The following DOK6 variants were observed in gnomAD, a reference collection of about 807,000 sequenced individuals.
DOK6 encodes the protein downstream of tyrosine kinase 6.
DOK6 carries 22 observed loss-of-function variants against 44.0 expected under a neutral mutation model. The observed-to-expected ratio is 0.50, with a 90% CI of 0.36 to 0.71. The LOEUF is 0.71. DOK6 is among the 30% of genes least tolerant of loss of function. The pLI is 0.00. For synonymous variants in DOK6, 166 were observed against 145.5 expected (o/e 1.14, Z -1.01); for missense variants, 340 against 416.4 (o/e 0.82, Z 1.60).
At chr18:69,769,523 T>A (rs940252320) in intron 7 of DOK6, among the ~76,000 whole-genome samples, 1 of 152,128 alleles carries the variant, frequency 6.6e-6, no homozygotes, top group Admixed American at 6.6e-5. Flanking sequence ...TTTTAAAATA[T>A]TTTAAAAATT....
chr18:69,672,286 G>A (rs1985815635), intron 3 of DOK6, among the ~76,000 whole-genome samples: 1 of 152,216 alleles, frequency 6.6e-6, no homozygotes, highest in African/African-American at 2.4e-5. Flanking sequence ...TGTTCCTGTA[G>A]GCTAACCAGA....
intron 1 of DOK6, among the ~76,000 whole-genome samples, chr18:69,488,635 G>A (rs1980649828): frequency 6.6e-6 from 1 of 152,180 alleles, no homozygotes; most frequent in Non-Finnish European, 1.5e-5. Context: ...AGGCAATAGA[G>A]CAGTGCAGGG....
Position 69,551,402 on chromosome 18 carries a change from G to T in DOK6, c.67-13085G>T, listed in dbSNP as rs557842389. ...AAATGTGGTGTTCTGCAATCAACAA[G>T]ATATAGGGGTTTTAATTTTCAACAA... On this transcript the variant is annotated intron_variant, in intron 1 of 7. Coordinates refer to ENST00000382713, the MANE Select transcript of DOK6 (RefSeq NM_152721.6). 1.5e-3 allele frequency among the ~76,000 whole-genome samples: 233 copies of T among 152,276 alleles called. 2 individuals are homozygous for T. Among genetic ancestry groups the T allele is most frequent in the African/African-American group, 5.3e-3 (222 of 41,570 alleles).
intron 1 of DOK6, among the ~76,000 whole-genome samples, chr18:69,513,090 TTA>T (rs1341304081): frequency 2.8e-5 from 4 of 143,240 alleles, no homozygotes; most frequent in African/African-American, 9.9e-5. Flanking sequence ...ATTTTTCATT[TTA>T]TATCTATACT....
In DOK6 at chr18:69,657,425, A is replaced by G. The variant is rs545228665; in HGVS notation, c.290-20309A>G. 6.6e-5 allele frequency among the ~76,000 whole-genome samples: 10 copies of G among 152,338 alleles called. No individual in the cohort carries two copies. In the East Asian group the frequency reaches 1.5e-3, roughly 24 times the overall value. ...ACCCCTTCAGCCTGGTCCCAGAATG[A>G]GAGAAGCTGAGCAGAGTTGAAGCTG... On this transcript the variant is annotated intron_variant, in intron 3 of 7. Coordinates refer to ENST00000382713, the MANE Select transcript of DOK6 (RefSeq NM_152721.6).
At chr18:69,633,631 T>A (rs1210133671) in intron 3 of DOK6, among the ~76,000 whole-genome samples, 1 of 152,170 alleles carries the variant, frequency 6.6e-6, no homozygotes, top group Non-Finnish European at 1.5e-5. Context: ...TAAAGCCTAT[T>A]TTACACAAAG....
chr18:69,749,695 C>G (rs1394023809), intron 6 of DOK6, among the ~76,000 whole-genome samples: 1 of 152,014 alleles, frequency 6.6e-6, no homozygotes. Context: ...AATCCCAGCA[C>G]TCTAGGAGGC....
chr18:69,665,644 C>G (rs1436549039), intron 3 of DOK6, among the ~76,000 whole-genome samples: 1 of 152,108 alleles, frequency 6.6e-6, no homozygotes, highest in Non-Finnish European at 1.5e-5. Context: ...GCTTTCTGCC[C>G]TAGAAGCTCA....
chr18:69,809,862 T>G (rs1981169723), intron 7 of DOK6, among the ~76,000 whole-genome samples: 1 of 151,960 alleles, frequency 6.6e-6, no homozygotes, highest in African/African-American at 2.4e-5. Context: ...AGATATCCTG[T>G]GTTTATGGAT....
At chr18:69,584,033 G>C (rs1305596296) in intron 2 of DOK6, among the ~76,000 whole-genome samples, 1 of 140,920 alleles carries the variant, frequency 7.1e-6, no homozygotes, top group South Asian at 2.2e-4. Context: ...GCGTGAACCC[G>C]GGAGGCGGAG....
intron 6 of DOK6, among the ~76,000 whole-genome samples, chr18:69,744,380 A>G (rs535387345): frequency 2.0e-5 from 3 of 151,968 alleles, no homozygotes; most frequent in Admixed American, 6.6e-5. Flanking sequence ...TTATCACTCA[A>G]TATTACCAAT....
At chr18:69,524,027 G>A (rs1437677506) in intron 1 of DOK6, among the ~76,000 whole-genome samples, 1 of 152,022 alleles carries the variant, frequency 6.6e-6, no homozygotes, top group African/African-American at 2.4e-5. Context: ...ATAGTGAAGA[G>A]TTATGTCTAA....
intron 7 of DOK6, among the ~76,000 whole-genome samples, chr18:69,775,121 G>A (rs183706315): frequency 1.3e-5 from 2 of 151,660 alleles, no homozygotes; most frequent in Non-Finnish European, 1.5e-5. Context: ...ATAAAAGCCA[G>A]AAAATAATGA....
intron 1 of DOK6, 44 bp downstream of exon 1, chr18:69,401,354 G>T (rs951906400): frequency 2.0e-5 from 28 of 1,434,162 alleles, no homozygotes; most frequent in Admixed American, 1.2e-4. Flanking sequence ...CGCTCGTTCG[G>T]CCCGGCTGGC....
Position 69,844,362 on chromosome 18 carries a change from G to C in DOK6, c.*2979G>C, listed in dbSNP as rs1472783046. 1 of 152,152 alleles carries C rather than the reference G, an allele frequency of 6.6e-6. No individual in the cohort carries two copies. Among genetic ancestry groups the C allele is most frequent in the Non-Finnish European group, 1.5e-5 (1 of 68,024 alleles). 9.4% of individuals were successfully genotyped at this position (152,152 alleles called of 1,614,324 possible). The stretch of plus-strand genomic sequence containing the variant: ...GAGACCAATGATAAAGGAACCCAAC[G>C]TAAGGAATAGCAGTTCTGAAAATAG... On this transcript the variant is annotated 3_prime_UTR_variant, in exon 8 of 8. Transcript: ENST00000382713.
chr18:69,429,362 A>C (rs2081800147), intron 1 of DOK6, among the ~76,000 whole-genome samples: 2 of 152,092 alleles, frequency 1.3e-5, no homozygotes, highest in Admixed American at 1.3e-4. Flanking sequence ...CACTAAAATG[A>C]TTTAATTTAC....
intron 3 of DOK6, among the ~76,000 whole-genome samples, chr18:69,649,652 T>A (rs1200538745): frequency 6.6e-6 from 1 of 152,182 alleles, no homozygotes; most frequent in African/African-American, 2.4e-5. Flanking sequence ...GGATTTGAAT[T>A]AATGAGATTA....
intron 6 of DOK6, among the ~76,000 whole-genome samples, chr18:69,739,791 T>A (rs1161259638): frequency 4.6e-5 from 7 of 152,218 alleles, no homozygotes; most frequent in Non-Finnish European, 8.8e-5. Context: ...AGTATTGTTT[T>A]TTCTCTAGGA....
At chr18:69,696,702 T>C (rs1368741193) in intron 4 of DOK6, among the ~76,000 whole-genome samples, 1 of 152,206 alleles carries the variant, frequency 6.6e-6, no homozygotes, top group Non-Finnish European at 1.5e-5. Context: ...GTAAAACCTT[T>C]GGGTCCAAGT....
Sources: gnomAD v4.1 joint callset for allele counts (sites outside exome capture counted in the v4.1 genomes callset) on GRCh38, gnomAD v4.1.1 for gene constraint, MANE v1.5 for transcripts, NCBI Gene and HGNC (gene_info 2026-07-23, HGNC 2026-07-21) for gene names.